The following CRACR2B variants were observed in gnomAD, a reference collection of about 807,000 sequenced individuals.
CRACR2B encodes EF-hand calcium-binding domain-containing protein 4A.
A neutral mutation model predicts 46.0 loss-of-function variants in CRACR2B; 50 were observed. The observed-to-expected ratio is 1.09, with a 90% CI of 0.87 to 1.38. CRACR2B has a LOEUF of 1.38. Among genes scored for constraint, CRACR2B ranks in the 40% most tolerant of loss-of-function variants. The pLI is 0.00. For synonymous variants in CRACR2B, 277 were observed against 239.6 expected (o/e 1.16, Z -1.44); for missense variants, 667 against 535.0 (o/e 1.25, Z -2.43).
intron 5 of CRACR2B, 76 bp from the exon 6 acceptor site, chr11:830,545 G>A (rs772375684): frequency 4.0e-4 from 611 of 1,545,932 alleles, no homozygotes; most frequent in Non-Finnish European, 5.2e-4. Flanking sequence ...CCCACTCCCA[G>A]CCCCTGGCCC....
intron 7 of CRACR2B, 58 bp from the exon 8 acceptor site, chr11:831,166 G>C (rs747211542): frequency 3.1e-6 from 5 of 1,609,756 alleles, no homozygotes; most frequent in Non-Finnish European, 4.2e-6. Flanking sequence ...TCTTCTAGGG[G>C]GTCCGGGGGC....
At chr11:829,263 C>T (rs902815896) in intron 2 of CRACR2B, 97 bp from the exon 3 acceptor site, 4 of 1,493,246 alleles carry the variant, frequency 2.7e-6, no homozygotes, top group Non-Finnish European at 3.6e-6. Flanking sequence ...GGAAACTGGG[C>T]CCTGAGAGAG....
rs1271681884 is a variant in CRACR2B, at chr11:828,613, C to T, written c.6C>T (p.Ala2=). 7 of 1,591,394 alleles carry T rather than the reference C, an allele frequency of 4.4e-6. No homozygotes were observed. In the African/African-American group the frequency reaches 6.8e-5, roughly 15 times the overall value. Residue 2 remains alanine (A), a synonymous_variant, in exon 1 of 9, where the codon GCC becomes GCT. Transcript: ENST00000525077. ...GGCTGAGGCCCCCTGCTCTCATGGC[C>T]AGCCCTGGAAAGCCTGGGGCTGATG... is the stretch of plus-strand genomic sequence containing the variant. M[A]SPGKPGADEA...
rs1255623753 is a variant in CRACR2B, at chr11:831,872, G to T, written c.*163G>T. ...TAGCCTAGGAGTGGTCAGGGTCCCG[G>T]GAGTGGCCAGGGTCCCGTGTGTGCC... On this transcript the variant is annotated 3_prime_UTR_variant, in exon 9 of 9. Transcript: ENST00000525077. The T allele has an allele frequency of 1.2e-6, 1 of 821,786 alleles. No homozygotes were observed. The highest frequency in any genetic ancestry group is 1.8e-6 in the Non-Finnish European group (1 of 568,422). The allele number at this position is 821,786 out of a possible 1,614,324, so 50.9% of individuals were successfully genotyped here. A position where few individuals can be genotyped will look rare whatever the true frequency, so the allele number is the denominator to read the frequency against.
rs1243826294 is a variant in CRACR2B, at chr11:830,295, G to C, written c.651G>C (p.Glu217Asp). Residue 217 changes from glutamate to aspartate, a missense_variant, in exon 5 of 9, where the codon GAG becomes GAC. By Grantham distance (45) the Glu-to-Asp change is conservative. Transcript: ENST00000525077. ...GGGAGGTGCGCGCTCTGTACGAGGAGACGGAGCAGCTTCGGGAGCAGAGCC... is the reference window on the plus strand; with the variant it reads ...GGGAGGTGCGCGCTCTGTACGAGGACACGGAGCAGCTTCGGGAGCAGAGCC... ...HEREVRALYE[E>D]TEQLREQSRR... 2 of 1,533,352 alleles carry C rather than the reference G, an allele frequency of 1.3e-6. No homozygotes were observed. Among genetic ancestry groups the C allele is most frequent in the Non-Finnish European group, 8.8e-7 (1 of 1,141,896 alleles). 95.0% of individuals were successfully genotyped at this position (1,533,352 alleles called of 1,614,324 possible).
At position 831,044 on chromosome 11, in the gene CRACR2B, C is replaced by G; in HGVS notation, c.953+12C>G. 1 of 1,534,996 alleles carries G rather than the reference C, an allele frequency of 6.5e-7. No homozygotes were observed. Among genetic ancestry groups the G allele is most frequent in the Non-Finnish European group, 8.7e-7 (1 of 1,146,020 alleles). ...GAGCAAACCCAACGGTGCCGTGGGA[C>G]GGGGCTGGGCGGGCCCCGGTGCGTG... On this transcript the variant is annotated intron_variant, in intron 7 of 8. Coordinates refer to ENST00000525077, the MANE Select transcript of CRACR2B (RefSeq NM_001286606.2).
upstream of CRACR2B, among the ~76,000 whole-genome samples, chr11:826,727 G>A (rs186189637): frequency 6.6e-6 from 1 of 151,912 alleles, no homozygotes; most frequent in African/African-American, 2.4e-5. Flanking sequence ...GTTTCGCCAT[G>A]TTGGGCAGGC....
upstream of CRACR2B, among the ~76,000 whole-genome samples, chr11:826,555 A>G (rs1349662937): frequency 1.3e-5 from 2 of 152,200 alleles, no homozygotes; most frequent in African/African-American, 2.4e-5. Context: ...TTTGAGATGG[A>G]GTTTCGTTCT....
chr11:829,765 G>C, intron 3 of CRACR2B: 2 of 1,048,748 alleles, frequency 1.9e-6, no homozygotes, highest in Non-Finnish European at 2.7e-6. Flanking sequence ...GGGCAGCGCC[G>C]GGCGCGGGGC....
chr11:828,658 G>T lies in CRACR2B; in HGVS notation c.51G>T (p.Gly17=). The part of the protein sequence containing the change: ...PGADEAQEEE[G]ELEGGSAGPR... ...CTGATGAGGCCCAGGAGGAGGAGGG[G>T]GAACTCGAGGGGGGCTCTGCAGGGC... The change falls in exon 1 of 9, where the codon GGG becomes GGT. Residue 17 remains glycine (G), a synonymous_variant. Coordinates refer to ENST00000525077, the MANE Select transcript of CRACR2B (RefSeq NM_001286606.2). 6.2e-7 allele frequency: 1 copy of T among 1,608,098 alleles called. No individual in the cohort carries two copies. The highest frequency in any genetic ancestry group is 8.5e-7 in the Non-Finnish European group (1 of 1,178,418).
At chr11:827,808 C>T (rs72847206), upstream of CRACR2B, 1,997 of 152,558 alleles carry the variant, frequency 0.013, 23 homozygotes, top group Non-Finnish European at 0.021. Flanking sequence ...TTGGGAAATC[C>T]GGGATCAGGA....
Position 828,372 on chromosome 11 carries a change from C to A in CRACR2B, c.-236C>A. ...AGATGCCAGACCCACTGGGGCAGTA[C>A]CCACAGGCCCTGAGCCTACATCAAC... On this transcript the variant is annotated 5_prime_UTR_variant, in exon 1 of 9. An upstream open reading frame in the 5' UTR gains an earlier in-frame stop. Transcript: ENST00000525077. The A allele has an allele frequency of 3.8e-6, 2 of 522,616 alleles. No individual in the cohort carries two copies. Among genetic ancestry groups the A allele is most frequent in the Non-Finnish European group, 6.6e-6 (2 of 301,216 alleles). 32.4% of individuals were successfully genotyped at this position (522,616 alleles called of 1,614,324 possible).
rs758309931 is a variant in CRACR2B at position 828,590 on chromosome 11, C to A, written c.-18C>A. 6.4e-7 allele frequency: 1 copy of A among 1,573,664 alleles called. No individual in the cohort carries two copies. The highest frequency in any genetic ancestry group is 8.6e-7 in the Non-Finnish European group (1 of 1,167,888). The stretch of plus-strand genomic sequence containing the variant: ...GGCTTCACAGCACCTGAAGGCCAGG[C>A]TGAGGCCCCCTGCTCTCATGGCCAG... On this transcript the variant is annotated 5_prime_UTR_variant, in exon 1 of 9. It adds an upstream start codon to the 5' untranslated region. Transcript: ENST00000525077.
rs1426024626 is a variant in CRACR2B, at chr11:829,521, G to T, written c.439G>T (p.Val147Leu). Residue 147 changes from valine to leucine, a missense_variant, in exon 3 of 9, where the codon GTG becomes TTG. Physicochemically the swap from Val to Leu is conservative, Grantham distance 32. Transcript: ENST00000525077. ...CCACACTGTGCTGGAGCAGCTGGGG[G>T]TGGCCCCGGTCCTGGGCAAGTGAGT... ...RFHTVLEQLG[V>L]APVLGKQRAV... 6.3e-7 allele frequency: 1 copy of T among 1,595,846 alleles called. No homozygotes were observed. Among genetic ancestry groups the T allele is most frequent in the Non-Finnish European group, 8.5e-7 (1 of 1,172,846 alleles).
At position 831,967 on chromosome 11, in the gene CRACR2B, A is replaced by G. The variant is rs1332654440; in HGVS notation, c.*258A>G. The G allele has an allele frequency of 6.1e-6, 3 of 488,492 alleles. No individual in the cohort carries two copies. The highest frequency in any genetic ancestry group is 1.1e-5 in the Non-Finnish European group (3 of 280,546). 30.3% of individuals were successfully genotyped at this position (488,492 alleles called of 1,614,324 possible). On this transcript the variant is annotated 3_prime_UTR_variant, in exon 9 of 9. Transcript: ENST00000525077. ...AGTTCAGCAGAAAACCCCCTCGTCA[A>G]ATAAAACCCACTGACTGCACTGCGT... is the stretch of plus-strand genomic sequence containing the variant.
chr11:831,202 G>A (rs2133933590), intron 7 of CRACR2B, 22 bp from the exon 8 acceptor site: 2 of 1,610,600 alleles, frequency 1.2e-6, no homozygotes, highest in Non-Finnish European at 1.7e-6. Flanking sequence ...CCTGCAGCCG[G>A]GTCACCACCT....
At position 831,589 on chromosome 11, in the gene CRACR2B, G is replaced by C. The variant is rs745501535; in HGVS notation, c.1080G>C (p.Ala360=). ...GGGACGCCTGCGAGGCCAGGCGGGCGGGCAGCAGCTGCAGGAAGGCTCTGA... is the reference window on the plus strand; with the variant it reads ...GGGACGCCTGCGAGGCCAGGCGGGCCGGCAGCAGCTGCAGGAAGGCTCTGA... ...DDRDACEARR[A]GSSCRKALTT... The change falls in exon 9 of 9, where the codon GCG becomes GCC. Residue 360 remains alanine (A), a synonymous_variant. Transcript: ENST00000525077. The C allele has an allele frequency of 4.4e-6, 7 of 1,590,512 alleles. No individual in the cohort carries two copies. The highest frequency in any genetic ancestry group is 6.0e-6 in the Non-Finnish European group (7 of 1,172,248).
chr11:826,177 C>T (rs544101249), upstream of CRACR2B: 3 of 152,390 alleles, frequency 2.0e-5, no homozygotes, highest in Non-Finnish European at 4.4e-5. Context: ...TCAGCTGGGT[C>T]GCACGCTGGA....
At chr11:829,921 C>A in intron 3 of CRACR2B, 65 bp from the exon 4 acceptor site, 1 of 1,519,204 alleles carries the variant, frequency 6.6e-7, no homozygotes, top group Non-Finnish European at 8.8e-7. Flanking sequence ...GGGTTTGCTG[C>A]TGGCGGAGGG....
Sources: allele counts gnomAD v4.1 joint callset (sites outside exome capture counted in the v4.1 genomes callset), GRCh38; gene constraint gnomAD v4.1.1; transcripts MANE v1.5; gene names NCBI Gene and HGNC (gene_info 2026-07-23, HGNC 2026-07-21).